MANBA: variants seen among roughly 807,000 people sequenced by gnomAD.
MANBA encodes the protein beta-mannosidase.
A neutral mutation model predicts 111.1 loss-of-function variants in MANBA; 83 were observed. That is an observed-to-expected ratio of 0.75 (90% confidence interval 0.63 to 0.90). The LOEUF is 0.90. Ranked by LOEUF, MANBA falls within the 40% of genes least tolerant of loss-of-function variation. The probability of loss-of-function intolerance (pLI) is 0.00; values close to 1 mark genes in which losing one functional copy is unlikely to be tolerated. For missense variants in MANBA, 1,036 were observed against 1,069.0 expected (o/e 0.97, Z 0.43); for synonymous variants, 370 against 378.7 (o/e 0.98, Z 0.27).
chr4:102,661,443 A>AT (rs1382436871), intron 11 of MANBA, among the ~76,000 whole-genome samples: 1 of 152,200 alleles, frequency 6.6e-6, no homozygotes, highest in Admixed American at 6.5e-5. Context: ...GCTCTTGGCA[A>AT]TAAGTACTCA....
chr4:102,664,940 C>T (rs1731155232), intron 10 of MANBA, 88 bp from the exon 11 acceptor site: 1 of 1,009,394 alleles, frequency 9.9e-7, no homozygotes, highest in Non-Finnish European at 1.5e-6. Context: ...AAAGCCCTTG[C>T]ATTTCTGCAC....
intron 1 of MANBA, among the ~76,000 whole-genome samples, chr4:102,736,726 C>T (rs1448038829): frequency 6.6e-6 from 1 of 152,170 alleles, no homozygotes; most frequent in African/African-American, 2.4e-5. Context: ...GACTAACATG[C>T]AGCTCCCACT....
chr4:102,669,239 C>T (rs921467031), intron 9 of MANBA, among the ~76,000 whole-genome samples, 190 bp from the exon 10 acceptor site: 6 of 152,076 alleles, frequency 3.9e-5, no homozygotes, highest in Admixed American at 1.3e-4. Context: ...ATTAGGACTT[C>T]CCAGAACTGC....
Position 102,640,125 on chromosome 4 carries a change from A to C in MANBA, c.1870-268T>G, listed in dbSNP as rs183420946. Among the ~76,000 whole-genome samples, 15 of 152,264 alleles carry C rather than the reference A, an allele frequency of 9.9e-5. 1 individual carries two copies. The East Asian group carries it at 2.7e-3, about 27-fold the overall frequency. On this transcript the variant is annotated intron_variant, in intron 13 of 16. Transcript: ENST00000647097. The stretch of plus-strand genomic sequence containing the variant: ...TGACAATGGAAATAGGATGGTGTAA[A>C]AGGTTCTCTGCTAATGATAGTGTAG...
intron 5 of MANBA, among the ~76,000 whole-genome samples, chr4:102,701,438 C>T (rs1432562424): frequency 6.6e-6 from 1 of 152,108 alleles, no homozygotes; most frequent in Non-Finnish European, 1.5e-5. Flanking sequence ...TTAGTTGATG[C>T]AGTTTCTTCC....
At chr4:102,724,707 T>C (rs1722727724) in intron 2 of MANBA, among the ~76,000 whole-genome samples, 1 of 152,188 alleles carries the variant, frequency 6.6e-6, no homozygotes, top group Non-Finnish European at 1.5e-5. Context: ...ACTATAACAG[T>C]GCCTGTACTT....
chr4:102,679,680 T>TA (rs1731876354), intron 7 of MANBA: 1 of 152,176 alleles, frequency 6.6e-6, no homozygotes, highest in Non-Finnish European at 1.5e-5. Context: ...ACAAAGGGTA[T>TA]AGCCAGCTCT....
chr4:102,632,410 C>T lies in MANBA; in HGVS notation c.2416-129G>A, dbSNP rs1447163862. 25 of 739,584 alleles carry T rather than the reference C, an allele frequency of 3.4e-5. No individual in the cohort carries two copies. In the East Asian group the frequency reaches 6.4e-4, roughly 19 times the overall value. The allele number at this position is 739,584 out of a possible 1,614,324, so 45.8% of individuals were successfully genotyped here. On this transcript the variant is annotated intron_variant, in intron 16 of 16. Transcript: ENST00000647097. ...ACTTCCCACAACTTTGGTTCTACAA[C>T]TGCTAAAGTGCAGTTTCAAACACAA...
intron 7 of MANBA, 61 bp from the exon 8 acceptor site, chr4:102,674,131 T>TA (rs1731619639): frequency 2.9e-6 from 4 of 1,356,422 alleles, no homozygotes; most frequent in East Asian, 2.3e-5. Flanking sequence ...ATAGTTTTTT[T>TA]AAAAAAAGCA....
At chr4:102,740,031 T>C (rs1247190945) in intron 1 of MANBA, among the ~76,000 whole-genome samples, 1 of 152,174 alleles carries the variant, frequency 6.6e-6, no homozygotes, top group Non-Finnish European at 1.5e-5. Context: ...TATGATCATA[T>C]ACATAGGAAA....
intron 1 of MANBA, among the ~76,000 whole-genome samples, chr4:102,758,786 A>C (rs1348227221): frequency 6.6e-6 from 1 of 151,896 alleles, no homozygotes; most frequent in Non-Finnish European, 1.5e-5. Flanking sequence ...CTGCCTCCCA[A>C]GTGCTGGGAT....
At chr4:102,712,543 A>G (rs1722122940) in intron 5 of MANBA, among the ~76,000 whole-genome samples, 1 of 147,374 alleles carries the variant, frequency 6.8e-6, no homozygotes, top group Non-Finnish European at 1.5e-5. Context: ...TTTTTTAAAC[A>G]GCATCTCGCT....
chr4:102,747,347 A>C (rs1291495994), intron 1 of MANBA, among the ~76,000 whole-genome samples: 2 of 152,106 alleles, frequency 1.3e-5, no homozygotes, highest in Non-Finnish European at 2.9e-5. Context: ...CTGGGAGGAT[A>C]AGCCACTATA....
chr4:102,730,190 G>A lies in MANBA; in HGVS notation c.178-3507C>T, dbSNP rs576073776. On this transcript the variant is annotated intron_variant, in intron 1 of 16. Coordinates refer to ENST00000647097, the MANE Select transcript of MANBA (RefSeq NM_005908.4). ...TGGACATGGTGGAGGCAGGAGTGGG[G>A]GCAGGAAGGCCGAACCAGATAGAGA... is the stretch of plus-strand genomic sequence containing the variant. 61 of 740,470 alleles carry A rather than the reference G, an allele frequency of 8.2e-5. 1 individual carries two copies. The South Asian group carries it at 1.2e-3, about 14-fold the overall frequency. The allele number at this position is 740,470 out of a possible 1,614,324, so 45.9% of individuals were successfully genotyped here.
chr4:102,660,443 T>A (rs1448161476), intron 11 of MANBA, among the ~76,000 whole-genome samples: 4 of 152,150 alleles, frequency 2.6e-5, no homozygotes, highest in Non-Finnish European at 5.9e-5. Flanking sequence ...ATTAACTTTT[T>A]AAAAATTTGT....
At chr4:102,672,740 C>CTGCT (rs1731548206) in intron 8 of MANBA, among the ~76,000 whole-genome samples, 1 of 152,134 alleles carries the variant, frequency 6.6e-6, no homozygotes, top group Non-Finnish European at 1.5e-5. Context: ...GGAGCAGGAA[C>CTGCT]ACTATTGTGA....
intron 4 of MANBA, among the ~76,000 whole-genome samples, chr4:102,719,823 T>G (rs1722494632): frequency 6.6e-6 from 1 of 152,212 alleles, no homozygotes; most frequent in Middle Eastern, 3.2e-3. Context: ...CCAACTCAGG[T>G]GTCTTCCCAC....
At chr4:102,691,558 G>A (rs1251813285) in intron 5 of MANBA, among the ~76,000 whole-genome samples, 7 of 148,816 alleles carry the variant, frequency 4.7e-5, no homozygotes, top group South Asian at 2.1e-4. Context: ...CTGTTGCCCC[G>A]GGAGTCACAC....
Position 102,655,806 on chromosome 4 carries a change from A to AT in MANBA, c.1704+1875dup, listed in dbSNP as rs754833829. Among the ~76,000 whole-genome samples the AT allele has an allele frequency of 4.4e-4, 67 of 152,352 alleles. 3 individuals are homozygous for AT. The East Asian group carries it at 6.6e-3, about 15-fold the overall frequency. On this transcript the variant is annotated intron_variant, in intron 12 of 16. Transcript: ENST00000647097. ...TAAGTAAAACTTCATCAAAATTTAAATTTTTTGTGCTGTAAGTGATACCAT... is the reference window on the plus strand; with the variant it reads ...TAAGTAAAACTTCATCAAAATTTAAATTTTTTTGTGCTGTAAGTGATACCAT...
Sources: gnomAD v4.1 joint callset for allele counts (sites outside exome capture counted in the v4.1 genomes callset) on GRCh38, gnomAD v4.1.1 for gene constraint, MANE v1.5 for transcripts, NCBI Gene and HGNC (gene_info 2026-07-23, HGNC 2026-07-21) for gene names.